The following PPIP5K2 variants were observed in gnomAD, a reference collection of about 807,000 sequenced individuals.
PPIP5K2 encodes the protein inositol hexakisphosphate and diphosphoinositol-pentakisphosphate kinase 2.
Under a neutral mutation model 154.6 loss-of-function variants are expected in PPIP5K2, and 105 were observed. The ratio of observed to expected loss-of-function variants is 0.68; its 90% CI spans 0.58 to 0.80. The LOEUF is 0.80. PPIP5K2 is among the 30% of genes least tolerant of loss of function. PPIP5K2 has a pLI of 0.00. For synonymous variants in PPIP5K2, 480 were observed against 490.3 expected, an observed-to-expected ratio of 0.98 and a Z score of 0.28; for missense variants, 992 against 1,504.6, an observed-to-expected ratio of 0.66 and a Z score of 5.64.
rs1429465673 is a variant in PPIP5K2 at position 103,211,768 on chromosome 5, T to G, written c.*10134T>G. 1 of 151,874 alleles carries G rather than the reference T, an allele frequency of 6.6e-6. No individual in the cohort carries two copies. Among genetic ancestry groups the G allele is most frequent in the Admixed American group, 6.5e-5 (1 of 15,268 alleles). 9.4% of individuals were successfully genotyped at this position (151,874 alleles called of 1,614,324 possible). Reference sequence around the variant, plus strand: ...GATGATACAAATATGAAAAGTCCTGTTTCCAGGGAATTTACTTTCTAATGA... The same window carrying G: ...GATGATACAAATATGAAAAGTCCTGGTTCCAGGGAATTTACTTTCTAATGA... On this transcript the variant is annotated 3_prime_UTR_variant, in exon 31 of 31. Coordinates refer to ENST00000358359, the MANE Select transcript of PPIP5K2 (RefSeq NM_001276277.3).
intron 19 of PPIP5K2, among the ~76,000 whole-genome samples, chr5:103,171,962 C>G (rs1373412481): frequency 6.6e-6 from 1 of 151,390 alleles, no homozygotes; most frequent in Non-Finnish European, 1.5e-5. Context: ...ACCAACTTGT[C>G]TTTGGAAATC....
At chr5:103,178,656 T>G (rs1204592015) in intron 23 of PPIP5K2, among the ~76,000 whole-genome samples, 1 of 151,746 alleles carries the variant, frequency 6.6e-6, no homozygotes, top group Admixed American at 6.6e-5. Flanking sequence ...ACCACTACTC[T>G]GCAGATCAAT....
intron 29 of PPIP5K2, among the ~76,000 whole-genome samples, chr5:103,194,065 T>A (rs902928497): frequency 2.2e-4 from 33 of 152,224 alleles, no homozygotes; most frequent in African/African-American, 7.5e-4. Flanking sequence ...AGTTTATTCC[T>A]AAATATGATA....
intron 16 of PPIP5K2, 55 bp from the exon 17 acceptor site, chr5:103,159,091 A>T (rs1554214741): frequency 2.4e-6 from 3 of 1,246,956 alleles, no homozygotes; most frequent in East Asian, 2.6e-5. Flanking sequence ...GTAACAAAAT[A>T]TTATTTTACG....
Position 103,203,221 on chromosome 5 carries a change from G to C in PPIP5K2, c.*1587G>C, listed in dbSNP as rs1803262596. ...TTTCCAGAATCAAAGAGACTTAAAT[G>C]GTAAATTTTTAAAATTTTCTTATCT... On this transcript the variant is annotated 3_prime_UTR_variant, in exon 31 of 31. Coordinates refer to ENST00000358359, the MANE Select transcript of PPIP5K2 (RefSeq NM_001276277.3). 6.6e-6 allele frequency: 1 copy of C among 152,186 alleles called. No homozygotes were observed. The highest frequency in any genetic ancestry group is 1.5e-5 in the Non-Finnish European group (1 of 67,904). The allele number at this position is 152,186 out of a possible 1,614,324, so 9.4% of individuals were successfully genotyped here.
chr5:103,163,976 A>G (rs903821228), intron 17 of PPIP5K2, among the ~76,000 whole-genome samples: 2 of 151,980 alleles, frequency 1.3e-5, no homozygotes, highest in South Asian at 4.1e-4. Flanking sequence ...TAGTTAGGGA[A>G]TGCTTCCTAT....
At chr5:103,196,768 G>A (rs2149832323) in intron 30 of PPIP5K2, among the ~76,000 whole-genome samples, 1 of 152,130 alleles carries the variant, frequency 6.6e-6, no homozygotes, top group South Asian at 2.1e-4. Context: ...AGTCAACCTT[G>A]CATCCTTAGG....
Position 103,133,597 on chromosome 5 carries a change from C to G in PPIP5K2, c.259C>G (p.Pro87Ala), listed in dbSNP as rs1287140888. ...VFEEEVILNE[P>A]VENWPLCDCL... is the part of the protein sequence containing the mutation. Reference sequence around the variant, plus strand: ...TGAAGAGGAGGTTATTTTGAATGAACCAGTGGAAAACTGGCCTTTATGTGA... The same window carrying G: ...TGAAGAGGAGGTTATTTTGAATGAAGCAGTGGAAAACTGGCCTTTATGTGA... Residue 87 changes from proline to alanine, a missense_variant, in exon 3 of 31, where the codon CCA becomes GCA. Physicochemically the swap from Pro to Ala is conservative, Grantham distance 27. Around this residue, in one of 9 missense-constraint regions of PPIP5K2, gnomAD observed 153 missense variants for 200.4 expected, o/e 0.76. Coordinates refer to ENST00000358359, the MANE Select transcript of PPIP5K2 (RefSeq NM_001276277.3). 6.2e-7 allele frequency: 1 copy of G among 1,611,548 alleles called. No individual in the cohort carries two copies. The highest frequency in any genetic ancestry group is 2.2e-5 in the East Asian group (1 of 44,690).
chr5:103,136,697 AT>A (rs1562379723), intron 3 of PPIP5K2, 34 bp from the exon 4 acceptor site: 2 of 1,516,636 alleles, frequency 1.3e-6, no homozygotes, highest in Non-Finnish European at 1.8e-6. Context: ...TTATCTTGAG[AT>A]AATACAGAAT....
intron 9 of PPIP5K2, 45 bp downstream of exon 9, chr5:103,151,419 T>C (rs1554211382): frequency 7.7e-6 from 11 of 1,436,294 alleles, no homozygotes; most frequent in South Asian, 1.2e-5. Context: ...ATACTAGTTA[T>C]TCAGAAACCA....
At chr5:103,165,687 G>A (rs1471831673) in intron 17 of PPIP5K2, among the ~76,000 whole-genome samples, 1 of 152,076 alleles carries the variant, frequency 6.6e-6, no homozygotes, top group Non-Finnish European at 1.5e-5. Flanking sequence ...GTTTCCCGAA[G>A]AAATCAGCAG....
chr5:103,178,570 G>C (rs1799055244), intron 23 of PPIP5K2, among the ~76,000 whole-genome samples: 2 of 151,216 alleles, frequency 1.3e-5, no homozygotes, highest in Admixed American at 1.3e-4. Flanking sequence ...AATATTTCAT[G>C]TTTCATGCAT....
At chr5:103,146,996 A>G (rs1793856021) in intron 6 of PPIP5K2, among the ~76,000 whole-genome samples, 1 of 151,952 alleles carries the variant, frequency 6.6e-6, no homozygotes, top group South Asian at 2.1e-4. Context: ...TGGCCCAGAA[A>G]AATAACAGCT....
intron 17 of PPIP5K2, among the ~76,000 whole-genome samples, chr5:103,164,705 T>G (rs1319494942): frequency 6.6e-5 from 10 of 152,098 alleles, no homozygotes; most frequent in Non-Finnish European, 2.9e-5. Flanking sequence ...CCAGAATTTT[T>G]ACTTCCCTTC....
Position 103,201,500 on chromosome 5 carries a change from T to G in PPIP5K2, c.3620-22T>G, listed in dbSNP as rs782758606. 8 of 1,434,658 alleles carry G rather than the reference T, an allele frequency of 5.6e-6. No homozygotes were observed. In the African/African-American group the frequency reaches 7.3e-5, roughly 13 times the overall value. 88.9% of individuals were successfully genotyped at this position (1,434,658 alleles called of 1,614,324 possible). A position where few individuals can be genotyped will look rare whatever the true frequency, so the allele number is the denominator to read the frequency against. The stretch of plus-strand genomic sequence containing the variant: ...TGTAAATTTAAGCAATAGTTTTTTT[T>G]TTTTGTTTTTGTTTTATGTAGCTAC... On this transcript the variant is annotated intron_variant, in intron 30 of 30. Coordinates refer to ENST00000358359, the MANE Select transcript of PPIP5K2 (RefSeq NM_001276277.3).
At chr5:103,144,120 T>C (rs1366105830) in intron 5 of PPIP5K2, among the ~76,000 whole-genome samples, 1 of 151,932 alleles carries the variant, frequency 6.6e-6, no homozygotes, top group East Asian at 1.9e-4. Context: ...CCATAGCATT[T>C]CTATATGCGA....
At chr5:103,160,666 T>C (rs1554215343) in intron 17 of PPIP5K2, among the ~76,000 whole-genome samples, 4 of 152,230 alleles carry the variant, frequency 2.6e-5, no homozygotes, top group African/African-American at 9.6e-5. Context: ...AAAACCATTC[T>C]TAGCTCATGG....
intron 3 of PPIP5K2, among the ~76,000 whole-genome samples, chr5:103,135,297 TTAAA>T (rs1313847976): frequency 6.6e-6 from 1 of 152,178 alleles, no homozygotes; most frequent in Non-Finnish European, 1.5e-5. Context: ...CTTAGAGACG[TTAAA>T]TAAATTTGCC....
chr5:103,126,207 G>A (rs1010120007), intron 1 of PPIP5K2, among the ~76,000 whole-genome samples: 7 of 151,980 alleles, frequency 4.6e-5, no homozygotes, highest in African/African-American at 1.7e-4. Flanking sequence ...TTTATTTGTT[G>A]ATTTACCTAG....
Sources: allele counts gnomAD v4.1 joint callset (sites outside exome capture counted in the v4.1 genomes callset), GRCh38; gene constraint gnomAD v4.1.1; regional missense constraint gnomAD v4.1.1; transcripts MANE v1.5; gene names NCBI Gene and HGNC (gene_info 2026-07-23, HGNC 2026-07-21).